CCNE2: variants seen among roughly 807,000 people sequenced by gnomAD.
CCNE2 encodes G1/S-specific cyclin-E2.
In CCNE2, 18 loss-of-function variants were observed where a neutral mutation model predicts 56.8. The observed-to-expected ratio is 0.32, with a 90% CI of 0.22 to 0.47. The LOEUF (loss-of-function observed/expected upper bound fraction) is 0.47, where lower values mean the gene tolerates loss of function less well. Ranked by LOEUF, CCNE2 falls within the 20% of genes least tolerant of loss-of-function variation. The pLI, the probability that CCNE2 is intolerant of heterozygous loss-of-function variation, is 1.00. For missense variants in CCNE2, 371 were observed against 467.1 expected (o/e 0.79, Z 1.90); for synonymous variants, 139 against 149.2 (o/e 0.93, Z 0.50).
chr8:94,885,651 CA>C (rs1817009693), intron 7 of CCNE2, 93 bp from the exon 8 acceptor site: 2 of 561,060 alleles, frequency 3.6e-6, no homozygotes, highest in African/African-American at 4.0e-5. Context: ...CCCAATAAAC[CA>C]AAATATCATT....
upstream of CCNE2, chr8:94,895,655 A>C (rs1817476746): frequency 6.6e-6 from 1 of 152,180 alleles, no homozygotes; most frequent in Non-Finnish European, 1.5e-5. Context: ...TGTCCCGCCA[A>C]GGCCTCAGGG....
intron 7 of CCNE2, among the ~76,000 whole-genome samples, chr8:94,886,570 G>A (rs1817049362): frequency 6.6e-6 from 1 of 152,166 alleles, no homozygotes; most frequent in South Asian, 2.1e-4. Context: ...GCATGGTGGT[G>A]GATCCCTGTA....
Position 94,882,844 on chromosome 8 carries a change from T to G in CCNE2, c.880A>C (p.Arg294=), listed in dbSNP as rs1816877950. 3 of 1,613,988 alleles carry G rather than the reference T, an allele frequency of 1.9e-6. No homozygotes were observed. The highest frequency in any genetic ancestry group is 2.5e-6 in the Non-Finnish European group (3 of 1,179,912). The change falls in exon 10 of 12, where the codon AGA becomes CGA. Residue 294 remains arginine, a synonymous_variant. Transcript: ENST00000308108. ...LAIDSLEFQY[R]ILTAAALCHF... Reference sequence around the variant, plus strand: ...CACAAGGCAGCAGCAGTCAGTATTCTGTACTGGAACTCTAATGAATCAATG... The same window carrying G: ...CACAAGGCAGCAGCAGTCAGTATTCGGTACTGGAACTCTAATGAATCAATG...
At chr8:94,885,727 C>CTTTTTTTTTTT (rs747420459) in intron 7 of CCNE2, among the ~76,000 whole-genome samples, 169 bp from the exon 8 acceptor site, 5 of 114,166 alleles carry the variant, frequency 4.4e-5, no homozygotes, top group Non-Finnish European at 7.2e-5. Flanking sequence ...CATTTTCTTT[C>CTTTTTTTTTTT]TTTTTTTTTT....
At chr8:94,894,378 T>C (rs983230275) in intron 1 of CCNE2, 131 bp from the exon 2 acceptor site, 14 of 778,088 alleles carry the variant, frequency 1.8e-5, no homozygotes, top group Non-Finnish European at 1.7e-5. Context: ...GACCCTGCCA[T>C]CTTCTGTGCT....
At position 94,890,508 on chromosome 8, in the gene CCNE2, C is replaced by G. The variant is rs546080247; in HGVS notation, c.360G>C (p.Lys120Asn). 1.3e-6 allele frequency: 2 copies of G among 1,599,418 alleles called. No homozygotes were observed. Among genetic ancestry groups the G allele is most frequent in the East Asian group, 4.6e-5 (2 of 43,682 alleles). The change falls in exon 6 of 12, where the codon AAG (lysine) becomes AAC (asparagine). Residue 120 changes from lysine (K) to asparagine (N), a missense_variant. Coordinates refer to ENST00000308108, the MANE Select transcript of CCNE2 (RefSeq NM_057749.3). ...SKEVWLNMLK[K>N]ESRYVHDKHF... ...GTTTGTCATGAACATATCTGCTCTCCTTTTTTAACATGTTTAGCCAGACTT... is the reference window on the plus strand; with the variant it reads ...GTTTGTCATGAACATATCTGCTCTCGTTTTTTAACATGTTTAGCCAGACTT...
At chr8:94,882,020 T>C (rs1187551636) in intron 11 of CCNE2, 112 bp downstream of exon 11, 1 of 1,097,218 alleles carries the variant, frequency 9.1e-7, no homozygotes, top group Non-Finnish European at 1.3e-6. Context: ...GTGTGCCCCT[T>C]AGAACTTTCT....
chr8:94,896,595 G>A (rs1448781828), upstream of CCNE2: 2 of 152,074 alleles, frequency 1.3e-5, no homozygotes, highest in African/African-American at 2.4e-5. Flanking sequence ...CGGAACCCGC[G>A]GTAGCTCGGG....
At chr8:94,887,521 A>AG (rs930288366) in intron 7 of CCNE2, among the ~76,000 whole-genome samples, 1 of 151,832 alleles carries the variant, frequency 6.6e-6, no homozygotes, top group African/African-American at 2.4e-5. Flanking sequence ...AGAAAAAAAA[A>AG]AGGCTGGATA....
chr8:94,885,299 C>T, intron 8 of CCNE2, 98 bp from the exon 9 acceptor site: 1 of 1,227,542 alleles, frequency 8.1e-7, no homozygotes. Context: ...CCCATCCAAC[C>T]ATAACCATTG....
Position 94,894,118 on chromosome 8 carries a change from T to A in CCNE2, c.16A>T (p.Ser6Cys), listed in dbSNP as rs769501285. 8.1e-6 allele frequency: 13 copies of A among 1,613,742 alleles called. No individual in the cohort carries two copies. The highest frequency in any genetic ancestry group is 1.1e-5 in the South Asian group (1 of 91,056). MSRRS[S>C]RLQAKQQPQP... ...GGCTGCTGCTTAGCTTGTAAACGGCTACTGTAGTGAATTTTTAAAAAGGAA... is the reference window on the plus strand; with the variant it reads ...GGCTGCTGCTTAGCTTGTAAACGGCAACTGTAGTGAATTTTTAAAAAGGAA... Residue 6 changes from serine to cysteine, a missense_variant and splice_region_variant, in exon 3 of 12, where the codon AGC becomes TGC. By Grantham distance (112) the Ser-to-Cys change is moderately radical. Transcript: ENST00000308108.
chr8:94,882,169 T>C lies in CCNE2; in HGVS notation c.1064A>G (p.His355Arg), dbSNP rs975690146. ...ATAGTTTGTATGTGTCTGGATATTATGTCTGTCTTCCATAGGAATCTTCTT... is the reference window on the plus strand; with the variant it reads ...ATAGTTTGTATGTGTCTGGATATTACGTCTGTCTTCCATAGGAATCTTCTT... ...TFKKIPMEDRHNIQTHTNYLA... is the reference protein window; with the variant it reads ...TFKKIPMEDRRNIQTHTNYLA... Residue 355 changes from histidine (H) to arginine (R), a missense_variant, in exon 11 of 12, where the codon CAT (histidine) becomes CGT (arginine). Physicochemically the swap from His to Arg is conservative, Grantham distance 29. Coordinates refer to ENST00000308108, the MANE Select transcript of CCNE2 (RefSeq NM_057749.3). 7.4e-6 allele frequency: 12 copies of C among 1,613,260 alleles called. No individual in the cohort carries two copies. The highest frequency in any genetic ancestry group is 2.2e-5 in the East Asian group (1 of 44,798).
chr8:94,886,331 A>T (rs563359329), intron 7 of CCNE2, among the ~76,000 whole-genome samples: 2 of 152,344 alleles, frequency 1.3e-5, no homozygotes, highest in East Asian at 3.9e-4. Flanking sequence ...TTTCATTAAT[A>T]CAACTAGAAT....
intron 9 of CCNE2, among the ~76,000 whole-genome samples, chr8:94,884,372 A>G (rs964358589): frequency 6.7e-6 from 1 of 148,894 alleles, no homozygotes; most frequent in African/African-American, 2.5e-5. Context: ...TTTGAGATGG[A>G]GTCTTGCTCT....
intron 10 of CCNE2, 120 bp downstream of exon 10, chr8:94,882,661 C>T: frequency 4.3e-6 from 3 of 691,654 alleles, no homozygotes; most frequent in Non-Finnish European, 5.1e-6. Context: ...AATTACTGAA[C>T]AGCTAATTTT....
intron 7 of CCNE2, among the ~76,000 whole-genome samples, chr8:94,886,674 T>C (rs760440201): frequency 2.0e-5 from 3 of 152,200 alleles, no homozygotes; most frequent in Non-Finnish European, 4.4e-5. Flanking sequence ...GCATCCAGCC[T>C]GTGTGACAGC....
rs777394556 is a variant in CCNE2, at chr8:94,894,256, G to T, written c.-26-9C>A. 1 of 1,612,712 alleles carries T rather than the reference G, an allele frequency of 6.2e-7. No individual in the cohort carries two copies. The highest frequency in any genetic ancestry group is 8.5e-7 in the Non-Finnish European group (1 of 1,179,670). On this transcript the variant is annotated splice_polypyrimidine_tract_variant and intron_variant, in intron 1 of 11. Transcript: ENST00000308108. ...TCAGGTGTATAAAACCTCTGAAGGG[G>T]GGAGAGGAAAAGCCGCAGTCAAGTA...
rs746618172 is a variant in CCNE2 at position 94,890,497 on chromosome 8, TA to T, written c.370del (p.Tyr124MetfsTer18). 2 of 1,603,702 alleles carry T rather than the reference TA, an allele frequency of 1.2e-6. No individual in the cohort carries two copies. Among genetic ancestry groups the T allele is most frequent in the Non-Finnish European group, 8.5e-7 (1 of 1,173,940 alleles). ...AACTTCAAAATGTTTGTCATGAACA[TA>T]TCTGCTCTCCTTTTTTAACATGTTT... ...WLNMLKKESR[Y>X]VHDKHFEVLH... On this transcript the variant is annotated frameshift_variant, in exon 6 of 12. Coordinates refer to ENST00000308108, the MANE Select transcript of CCNE2 (RefSeq NM_057749.3). LOFTEE classifies it high-confidence loss of function.
chr8:94,894,444 G>C, intron 1 of CCNE2, 197 bp from the exon 2 acceptor site: 1 of 583,948 alleles, frequency 1.7e-6, no homozygotes, highest in East Asian at 2.8e-5. Context: ...TTCCTCAACT[G>C]AATGTACAGC....
Sources: allele counts gnomAD v4.1 joint callset (sites outside exome capture counted in the v4.1 genomes callset), GRCh38; gene constraint gnomAD v4.1.1; transcripts MANE v1.5; gene names NCBI Gene and HGNC (gene_info 2026-07-23, HGNC 2026-07-21).